Variants in NDUFS1 observed in about 807,000 individuals in gnomAD.
The protein encoded by NDUFS1 is NADH-ubiquinone oxidoreductase 75 kDa subunit, mitochondrial.
A neutral mutation model predicts 84.4 loss-of-function variants in NDUFS1; 61 were observed. The ratio of observed to expected loss-of-function variants is 0.72; its 90% CI spans 0.59 to 0.89. The LOEUF (loss-of-function observed/expected upper bound fraction) is 0.89. Ranked by LOEUF, NDUFS1 falls within the 40% of genes least tolerant of loss-of-function variation. The pLI is 0.00. For missense variants in NDUFS1, 891 were observed against 890.0 expected, an observed-to-expected ratio of 1.00 and a Z score of -0.01; for synonymous variants, 275 against 290.0, an observed-to-expected ratio of 0.95 and a Z score of 0.53.
In NDUFS1 at chr2:206,147,034, AT is replaced by A; in HGVS notation, c.605del (p.Asn202MetfsTer27). ...CAATGTATGTGCCAACTTGCATATC[AT>A]TTCCTCTGCCTGTTGTTCCCAAATC... The part of the protein sequence containing the change: ...VDDLGTTGRG[N>X]DMQVGTYIEK... On this transcript the variant is annotated frameshift_variant, in exon 8 of 19. Transcript: ENST00000233190. LOFTEE classifies it high-confidence loss of function. The A allele has an allele frequency of 6.2e-7, 1 of 1,614,096 alleles. No individual in the cohort carries two copies. Among genetic ancestry groups the A allele is most frequent in the Non-Finnish European group, 8.5e-7 (1 of 1,180,012 alleles).
At chr2:206,128,166 AATT>A (rs1207309951) in intron 15 of NDUFS1, among the ~76,000 whole-genome samples, 194 bp from the exon 16 acceptor site, 2 of 151,946 alleles carry the variant, frequency 1.3e-5, no homozygotes, top group East Asian at 1.9e-4. Context: ...TCCCAAAGAA[AATT>A]ATTATTATTT....
chr2:206,157,153 T>C (rs531166596), intron 1 of NDUFS1, among the ~76,000 whole-genome samples: 1 of 152,232 alleles, frequency 6.6e-6, no homozygotes, highest in South Asian at 2.1e-4. Context: ...GGTTTCGCCA[T>C]GTTGGCCAGG....
At position 206,116,587 on chromosome 2, in the gene NDUFS1, A is replaced by G; in HGVS notation, c.*7598T>C. 1.8e-6 allele frequency: 1 copy of G among 554,878 alleles called. No individual in the cohort carries two copies. The highest frequency in any genetic ancestry group is 3.2e-6 in the Non-Finnish European group (1 of 308,444). The allele number at this position is 554,878 out of a possible 1,614,324, so 34.4% of individuals were successfully genotyped here. ...GGTGTGGGCAGAAGTAAATTTCTTT[A>G]TAAATTACCCAGTCTGGGCCTGGTG... is the stretch of plus-strand genomic sequence containing the variant. On this transcript the variant is annotated 3_prime_UTR_variant, in exon 19 of 19. Coordinates refer to ENST00000233190, the MANE Select transcript of NDUFS1 (RefSeq NM_005006.7).
In NDUFS1 at chr2:206,149,110, GAAAAAA is replaced by G; in HGVS notation, c.262-20_262-15del. The G allele has an allele frequency of 1.5e-6, 2 of 1,312,858 alleles. No individual in the cohort carries two copies. The highest frequency in any genetic ancestry group is 2.1e-6 in the Non-Finnish European group (2 of 971,238). The allele number at this position is 1,312,858 out of a possible 1,614,324, so 81.3% of individuals were successfully genotyped here. A position where few individuals can be genotyped will look rare whatever the true frequency, so the allele number is the denominator to read the frequency against. ...AGCAGCTACAACCTGGGATTTCAATGAAAAAAAAAAATGTGTATTTGTATTTATTTG... is the reference window on the plus strand; with the variant it reads ...AGCAGCTACAACCTGGGATTTCAATGAAAAATGTGTATTTGTATTTATTTG... On this transcript the variant is annotated splice_polypyrimidine_tract_variant and intron_variant, in intron 4 of 18. Transcript: ENST00000233190.
intron 1 of NDUFS1, among the ~76,000 whole-genome samples, chr2:206,156,539 C>A (rs893645989): frequency 5.9e-5 from 9 of 151,796 alleles, no homozygotes; most frequent in African/African-American, 2.2e-4. Context: ...CATGCCACTG[C>A]ACTCCAGCCT....
chr2:206,153,461 G>A (rs1272454332), intron 2 of NDUFS1, among the ~76,000 whole-genome samples, 157 bp downstream of exon 2: 2 of 152,044 alleles, frequency 1.3e-5, no homozygotes, highest in Admixed American at 1.3e-4. Context: ...CTCTCAAAGT[G>A]CTAGGATTAC....
chr2:206,129,979 A>C, intron 15 of NDUFS1, 109 bp downstream of exon 15: 1 of 1,411,412 alleles, frequency 7.1e-7, no homozygotes, highest in South Asian at 1.2e-5. Context: ...TGGGGGAGGC[A>C]AAATTCTCAA....
At chr2:206,149,461 C>T (rs1692285227) in intron 4 of NDUFS1, among the ~76,000 whole-genome samples, 1 of 152,180 alleles carries the variant, frequency 6.6e-6, no homozygotes, top group Admixed American at 6.5e-5. Context: ...TGAACTTCTT[C>T]CCTGCAACCC....
At chr2:206,140,918 G>A (rs1559053808) in intron 12 of NDUFS1, among the ~76,000 whole-genome samples, 1 of 93,266 alleles carries the variant, frequency 1.1e-5, no homozygotes, top group African/African-American at 4.5e-5. Flanking sequence ...TATATATGTA[G>A]TGTGTATATA....
In NDUFS1 at chr2:206,144,111, T is replaced by G. The variant is rs1390744313; in HGVS notation, c.894A>C (p.Lys298Asn). 3.7e-6 allele frequency: 6 copies of G among 1,613,794 alleles called. No homozygotes were observed. Among genetic ancestry groups the G allele is most frequent in the Non-Finnish European group, 5.1e-6 (6 of 1,179,808 alleles). The change falls in exon 10 of 19, where the codon AAA (lysine) becomes AAC (asparagine). Residue 298 changes from lysine to asparagine, a missense_variant. Transcript: ENST00000233190. ...DKTRFAYDGL[K>N]RQRLTEPMVR... ...CCATTGGCTCGGTAAGTCTTTGACGTTTTAGCCCATCATAGGCAAATCTAG... is the reference window on the plus strand; with the variant it reads ...CCATTGGCTCGGTAAGTCTTTGACGGTTTAGCCCATCATAGGCAAATCTAG...
At chr2:206,134,515 G>GGAGGCTGAGGCAAGAATCGCTTGAACC in intron 13 of NDUFS1, among the ~76,000 whole-genome samples, 1 of 151,774 alleles carries the variant, frequency 6.6e-6, no homozygotes, top group African/African-American at 2.4e-5. Flanking sequence ...GGTCCCAGTG[G>GGAGGCTGAGGCAAGAATCGCTTGAACC]TGGCTGCAGT....
In NDUFS1 at chr2:206,133,086, T is replaced by A; in HGVS notation, c.1412A>T (p.Lys471Ile). 1 of 1,613,106 alleles carries A rather than the reference T, an allele frequency of 6.2e-7. No individual in the cohort carries two copies. The highest frequency in any genetic ancestry group is 2.2e-5 in the East Asian group (1 of 44,848). Residue 471 changes from lysine to isoleucine, a missense_variant, in exon 14 of 19, where the codon AAA becomes ATA. Physicochemically the swap from Lys to Ile is moderately radical, Grantham distance 102. Transcript: ENST00000233190. The part of the protein sequence containing the change: ...PFSQVLKEAK[K>I]PMVVLGSSAL... ...AGAACTGCCTAAAACCACCATTGGTTTTTTAGCTTCCTTTAGGACCTATTT... is the reference window on the plus strand; with the variant it reads ...AGAACTGCCTAAAACCACCATTGGTATTTTAGCTTCCTTTAGGACCTATTT...
Position 206,133,109 on chromosome 2 carries a change from T to C in NDUFS1, c.1393-4A>G, listed in dbSNP as rs1382974027. 1.3e-6 allele frequency: 2 copies of C among 1,593,330 alleles called. No individual in the cohort carries two copies. The highest frequency in any genetic ancestry group is 2.7e-5 in the African/African-American group (2 of 73,748). The stretch of plus-strand genomic sequence containing the variant: ...GTTTTTTAGCTTCCTTTAGGACCTA[T>C]TTAAAAAAAAAAACAACTTTGATTT... On this transcript the variant is annotated splice_region_variant and splice_polypyrimidine_tract_variant and intron_variant, in intron 13 of 18. Coordinates refer to ENST00000233190, the MANE Select transcript of NDUFS1 (RefSeq NM_005006.7).
intron 1 of NDUFS1, among the ~76,000 whole-genome samples, chr2:206,156,410 C>CAA (rs565294955): frequency 2.9e-5 from 4 of 139,358 alleles, no homozygotes; most frequent in Admixed American, 7.3e-5. Context: ...CCATCTCTAC[C>CAA]AAAAAAAAAA....
chr2:206,136,033 CTTT>C (rs771696304), intron 13 of NDUFS1, among the ~76,000 whole-genome samples: 1 of 142,118 alleles, frequency 7.0e-6, no homozygotes, highest in African/African-American at 2.6e-5. Context: ...ACTGCATCAG[CTTT>C]TTTTTTTTTT....
chr2:206,129,954 A>T (rs974237519), intron 15 of NDUFS1, 134 bp downstream of exon 15: 5 of 955,438 alleles, frequency 5.2e-6, no homozygotes, highest in Non-Finnish European at 8.2e-6. Context: ...TTGTTTAAAA[A>T]AAAAGGAGGA....
At chr2:206,146,815 A>G in intron 8 of NDUFS1, 88 bp downstream of exon 8, 1 of 1,315,636 alleles carries the variant, frequency 7.6e-7, no homozygotes, top group Non-Finnish European at 1.1e-6. Flanking sequence ...AAAACAACTG[A>G]AACCCAGGAA....
rs1028753425 is a variant in NDUFS1 at position 206,158,971 on chromosome 2, A to C, written c.-5+370T>G. ...CAGGCGTGTAAAAATCTGGGGGGAAAGGCTTAGTCTTAAGGCCTAAGTCAT... is the reference window on the plus strand; with the variant it reads ...CAGGCGTGTAAAAATCTGGGGGGAACGGCTTAGTCTTAAGGCCTAAGTCAT... On this transcript the variant is annotated intron_variant, in intron 1 of 18. Coordinates refer to ENST00000233190, the MANE Select transcript of NDUFS1 (RefSeq NM_005006.7). The C allele has an allele frequency of 2.3e-5, 23 of 1,006,268 alleles. No homozygotes were observed. In the African/African-American group the frequency reaches 2.6e-4, roughly 11 times the overall value. The allele number at this position is 1,006,268 out of a possible 1,614,324, so 62.3% of individuals were successfully genotyped here. A position where few individuals can be genotyped will look rare whatever the true frequency, so the allele number is the denominator to read the frequency against.
At chr2:206,155,642 T>C (rs1475386937) in intron 1 of NDUFS1, among the ~76,000 whole-genome samples, 5 of 151,942 alleles carry the variant, frequency 3.3e-5, no homozygotes, top group African/African-American at 1.2e-4. Context: ...GGTCCTGAAG[T>C]CCTGATCTCA....
Sources: allele counts gnomAD v4.1 joint callset (sites outside exome capture counted in the v4.1 genomes callset), GRCh38; gene constraint gnomAD v4.1.1; transcripts MANE v1.5; gene names NCBI Gene and HGNC (gene_info 2026-07-23, HGNC 2026-07-21).